The following UFL1 variants were observed in gnomAD, a reference collection of about 807,000 sequenced individuals.
The protein encoded by UFL1 is E3 UFM1-protein ligase 1.
Under a neutral mutation model 99.3 loss-of-function variants are expected in UFL1, and 78 were observed. The observed-to-expected ratio is 0.79, with a 90% CI of 0.65 to 0.95. The LOEUF (loss-of-function observed/expected upper bound fraction) is 0.95. UFL1 is among the 40% of genes least tolerant of loss of function. UFL1 has a pLI of 0.00. For synonymous variants in UFL1, 335 were observed against 322.2 expected, an observed-to-expected ratio of 1.04 and a Z score of -0.42; for missense variants, 936 against 937.0, an observed-to-expected ratio of 1.00 and a Z score of 0.01.
intron 15 of UFL1, among the ~76,000 whole-genome samples, chr6:96,550,023 G>T (rs1770055582): frequency 6.6e-6 from 1 of 151,784 alleles, no homozygotes; most frequent in African/African-American, 2.4e-5. Flanking sequence ...AATTACTTTA[G>T]AATAAACAGT....
At chr6:96,523,886 G>GTGTAACATTGGTCTT (rs1197068506) in intron 2 of UFL1, among the ~76,000 whole-genome samples, 1 of 152,098 alleles carries the variant, frequency 6.6e-6, no homozygotes, top group Admixed American at 6.6e-5. Context: ...TATTATCAGA[G>GTGTAACATTGGTCTT]TGTAACATTG....
chr6:96,543,794 C>G (rs541770530), intron 12 of UFL1, among the ~76,000 whole-genome samples: 1 of 151,114 alleles, frequency 6.6e-6, no homozygotes, highest in African/African-American at 2.4e-5. Context: ...GTCCATACTG[C>G]AAGTTAATTG....
chr6:96,536,792 A>G (rs1242046533), intron 8 of UFL1, among the ~76,000 whole-genome samples: 1 of 151,694 alleles, frequency 6.6e-6, no homozygotes, highest in Non-Finnish European at 1.5e-5. Context: ...ACATTTTGCT[A>G]AGTTGCCCAG....
At chr6:96,528,869 AC>A (rs1769740046) in intron 6 of UFL1, among the ~76,000 whole-genome samples, 1 of 152,094 alleles carries the variant, frequency 6.6e-6, no homozygotes, top group South Asian at 2.1e-4. Context: ...CACCCTTGTG[AC>A]CCCATACACA....
rs545744500 is a variant in UFL1 at position 96,553,405 on chromosome 6, G to T, written c.2287G>T (p.Asp763Tyr). 4 of 1,613,680 alleles carry T rather than the reference G, an allele frequency of 2.5e-6. No homozygotes were observed. The African/African-American group carries it at 5.3e-5, about 22-fold the overall frequency. ...LNNELDKEQE[D>Y]VASTTRKELQ... is the part of the protein sequence containing the mutation. ...TAATGAATTAGACAAAGAACAAGAA[G>T]ATGTTGCCAGTACTACTCGTAAAGA... is the stretch of plus-strand genomic sequence containing the variant. Residue 763 changes from aspartate to tyrosine, a missense_variant, in exon 19 of 19, where the codon GAT (aspartate) becomes TAT (tyrosine). Coordinates refer to ENST00000369278, the MANE Select transcript of UFL1 (RefSeq NM_015323.5).
chr6:96,530,261 G>T (rs944092947), intron 6 of UFL1, among the ~76,000 whole-genome samples: 2 of 152,100 alleles, frequency 1.3e-5, no homozygotes, highest in Non-Finnish European at 2.9e-5. Flanking sequence ...ATTGTTGGTT[G>T]TCTGCTGTTT....
At chr6:96,540,721 A>G (rs1432585556) in intron 11 of UFL1, 66 bp downstream of exon 11, 22 of 1,538,618 alleles carry the variant, frequency 1.4e-5, no homozygotes, top group Non-Finnish European at 1.9e-5. Context: ...TGCATTTATC[A>G]CATTTATTAT....
In UFL1 at chr6:96,530,709, T is replaced by G. The variant is rs1455141712; in HGVS notation, c.596+2077T>G. Among the ~76,000 whole-genome samples, 7 of 152,188 alleles carry G rather than the reference T, an allele frequency of 4.6e-5. No individual in the cohort carries two copies. In the East Asian group the frequency reaches 1.3e-3, roughly 29 times the overall value. ...CTTGAAACTTTCTTTTCTTTCTGGC[T>G]TAAGATGTTCCAGGCTCAGTTCATA... is the stretch of plus-strand genomic sequence containing the variant. On this transcript the variant is annotated intron_variant, in intron 6 of 18. Transcript: ENST00000369278.
intron 16 of UFL1, 141 bp downstream of exon 16, chr6:96,551,654 G>T: frequency 1.4e-6 from 1 of 733,914 alleles, no homozygotes; most frequent in Non-Finnish European, 2.2e-6. Context: ...GAAATGAGAA[G>T]AGAAGACCAA....
Position 96,554,945 on chromosome 6 carries a change from A to G in UFL1, c.*1442A>G, listed in dbSNP as rs1282154386. ...ATTGAACACCCAGACTTTTAATTCA[A>G]CCTTTAAGAACCTTATCATTTATGT... On this transcript the variant is annotated 3_prime_UTR_variant, in exon 19 of 19. Transcript: ENST00000369278. 6.6e-6 allele frequency: 1 copy of G among 152,596 alleles called. No homozygotes were observed. The highest frequency in any genetic ancestry group is 1.5e-5 in the Non-Finnish European group (1 of 68,016). The allele number at this position is 152,596 out of a possible 1,614,324, so 9.5% of individuals were successfully genotyped here.
At chr6:96,530,952 G>C (rs1173807958) in intron 6 of UFL1, among the ~76,000 whole-genome samples, 2 of 152,224 alleles carry the variant, frequency 1.3e-5, no homozygotes, top group Admixed American at 6.5e-5. Context: ...TTAGGAACCA[G>C]GCTGTGCAGC....
chr6:96,552,420 T>G (rs908700299), intron 17 of UFL1, 62 bp from the exon 18 acceptor site: 17 of 1,462,936 alleles, frequency 1.2e-5, no homozygotes, highest in African/African-American at 1.4e-5. Context: ...AGGGATGAAT[T>G]GAAATTGGTG....
intron 3 of UFL1, among the ~76,000 whole-genome samples, chr6:96,524,631 T>A (rs993372523): frequency 1.3e-5 from 2 of 152,164 alleles, no homozygotes; most frequent in Non-Finnish European, 2.9e-5. Context: ...TAAGTTGGCC[T>A]TATTAAAGAG....
At chr6:96,551,967 G>T in intron 17 of UFL1, 44 bp downstream of exon 17, 1 of 1,411,606 alleles carries the variant, frequency 7.1e-7, no homozygotes, top group Non-Finnish European at 9.9e-7. Context: ...CTTAAATGTG[G>T]AGCCTTTCAT....
intron 12 of UFL1, among the ~76,000 whole-genome samples, chr6:96,546,191 T>C (rs986907255): frequency 6.7e-6 from 1 of 149,846 alleles, no homozygotes; most frequent in Non-Finnish European, 1.5e-5. Flanking sequence ...AAAATGAGTA[T>C]ACAAAAATTA....
chr6:96,553,366 G>T lies in UFL1; in HGVS notation c.2248G>T (p.Asp750Tyr), dbSNP rs780551818. Residue 750 changes from aspartate (D) to tyrosine (Y), a missense_variant, in exon 19 of 19, where the codon GAT (aspartate) becomes TAT (tyrosine). By Grantham distance (160) the Asp-to-Tyr change is radical. Transcript: ENST00000369278. The stretch of plus-strand genomic sequence containing the variant: ...TCAAAGTAAGAAGACTGGGCAGGGA[G>T]ATTATCCCTTGAATAATGAATTAGA... ...VSQSKKTGQG[D>Y]YPLNNELDKE... 1.3e-5 allele frequency: 21 copies of T among 1,613,662 alleles called. No homozygotes were observed. In the Admixed American group the frequency reaches 3.2e-4, roughly 24 times the overall value.
chr6:96,529,694 A>T (rs1769754059), intron 6 of UFL1, among the ~76,000 whole-genome samples: 1 of 152,002 alleles, frequency 6.6e-6, no homozygotes, highest in Non-Finnish European at 1.5e-5. Flanking sequence ...TTTTCTTCCC[A>T]GTTCTGTGCT....
At chr6:96,547,355 TA>T (rs1315965687) in intron 12 of UFL1, among the ~76,000 whole-genome samples, 2 of 151,646 alleles carry the variant, frequency 1.3e-5, no homozygotes, top group African/African-American at 2.4e-5. Context: ...AGGGAATGGT[TA>T]TACACAGTTG....
At chr6:96,546,065 GAGGA>G (rs1769993661) in intron 12 of UFL1, among the ~76,000 whole-genome samples, 2 of 151,306 alleles carry the variant, frequency 1.3e-5, no homozygotes, top group South Asian at 2.1e-4. Context: ...TATTGGAAAA[GAGGA>G]AGTCAGATTA....
Sources: gnomAD v4.1 joint callset for allele counts (sites outside exome capture counted in the v4.1 genomes callset) on GRCh38, gnomAD v4.1.1 for gene constraint, MANE v1.5 for transcripts, NCBI Gene and HGNC (gene_info 2026-07-23, HGNC 2026-07-21) for gene names.